Variants in PDE8A observed in about 807,000 individuals in gnomAD.
PDE8A encodes phosphodiesterase 8A.
In PDE8A, 59 loss-of-function variants were observed where a neutral mutation model predicts 105.0. The ratio of observed to expected loss-of-function variants is 0.56; its 90% CI spans 0.46 to 0.70. The LOEUF is 0.70. PDE8A is among the 30% of genes least tolerant of loss of function. The pLI, the probability that PDE8A is intolerant of heterozygous loss-of-function variation, is 0.00. For synonymous variants in PDE8A, 355 were observed against 371.9 expected, an observed-to-expected ratio of 0.95 and a Z score of 0.52; for missense variants, 1,014 against 1,045.9, an observed-to-expected ratio of 0.97 and a Z score of 0.42.
chr15:85,068,185 C>T (rs999373558), intron 3 of PDE8A, among the ~76,000 whole-genome samples: 3 of 151,954 alleles, frequency 2.0e-5, no homozygotes, highest in East Asian at 1.9e-4. Context: ...GGATTACAGG[C>T]GCACACCACC....
rs2079715917 is a variant in PDE8A at position 84,981,965 on chromosome 15, C to G, written c.-198C>G. ...CGCCACCCGCCTAAGCGCCCCCTTC[C>G]CACCGCAGCCGCCGCCGCCGCAGCG... On this transcript the variant is annotated 5_prime_UTR_variant, in exon 1 of 22. Transcript: ENST00000394553. 3.5e-6 allele frequency: 1 copy of G among 287,652 alleles called. No individual in the cohort carries two copies. The highest frequency in any genetic ancestry group is 9.8e-4 in the Middle Eastern group (1 of 1,018). The allele number at this position is 287,652 out of a possible 1,614,324, so 17.8% of individuals were successfully genotyped here. A position where few individuals can be genotyped will look rare whatever the true frequency, so the allele number is the denominator to read the frequency against.
At chr15:84,997,446 T>C (rs1567220544) in intron 1 of PDE8A, among the ~76,000 whole-genome samples, 1 of 152,170 alleles carries the variant, frequency 6.6e-6, no homozygotes, top group Non-Finnish European at 1.5e-5. Context: ...TCCACCCACT[T>C]TGGCCTCCCA....
At chr15:85,007,487 A>G (rs1169790951) in intron 1 of PDE8A, among the ~76,000 whole-genome samples, 7 of 151,326 alleles carry the variant, frequency 4.6e-5, no homozygotes, top group Admixed American at 4.0e-4. Context: ...GCAAAAATAA[A>G]TCTATTAGTA....
chr15:85,129,809 C>T (rs945191278), intron 20 of PDE8A, among the ~76,000 whole-genome samples: 1 of 152,146 alleles, frequency 6.6e-6, no homozygotes, highest in East Asian at 1.9e-4. Context: ...TAGGCATTTA[C>T]AGCTGTTAAT....
intron 1 of PDE8A, among the ~76,000 whole-genome samples, chr15:85,056,296 C>T (rs1214939083): frequency 1.3e-5 from 2 of 152,068 alleles, no homozygotes; most frequent in Admixed American, 1.3e-4. Flanking sequence ...CTTGGAGTTG[C>T]TCTTCTCGAG....
intron 20 of PDE8A, among the ~76,000 whole-genome samples, chr15:85,135,575 A>G (rs1300058213): frequency 2.2e-4 from 33 of 152,008 alleles, no homozygotes; most frequent in Admixed American, 2.2e-3. Context: ...CTTGACTCCC[A>G]GCACAGGCGC....
At chr15:85,135,759 T>G (rs1016016679) in intron 20 of PDE8A, among the ~76,000 whole-genome samples, 27 of 152,184 alleles carry the variant, frequency 1.8e-4, no homozygotes, top group African/African-American at 6.3e-4. Flanking sequence ...GACGCTTGCC[T>G]TTTTCCTCAG....
chr15:85,070,772 C>T (rs983164692), intron 3 of PDE8A, among the ~76,000 whole-genome samples: 19 of 152,092 alleles, frequency 1.2e-4, no homozygotes, highest in Non-Finnish European at 2.1e-4. Context: ...GACTCTACCC[C>T]GTAGGTAGTT....
chr15:85,042,943 A>G (rs1453167638), intron 1 of PDE8A, among the ~76,000 whole-genome samples: 1 of 152,168 alleles, frequency 6.6e-6, no homozygotes, highest in Non-Finnish European at 1.5e-5. Flanking sequence ...AGATAATTCG[A>G]TTGTGTGGAT....
intron 1 of PDE8A, among the ~76,000 whole-genome samples, chr15:84,998,824 G>A (rs1399372328): frequency 6.6e-6 from 1 of 152,186 alleles, no homozygotes; most frequent in East Asian, 1.9e-4. Context: ...GGATGAAGAA[G>A]TCAGGGTTAA....
At position 85,100,205 on chromosome 15, in the gene PDE8A, TG is replaced by T. The variant is rs781320675; in HGVS notation, c.1036+8del. On this transcript the variant is annotated splice_region_variant and intron_variant, in intron 11 of 21. Coordinates refer to ENST00000394553, the MANE Select transcript of PDE8A (RefSeq NM_002605.3). ...CAGTCTGACACTCATACAGGTACGG[TG>T]CCCCGTATTTATTCTTAGAGTTCAT... 10 of 1,608,332 alleles carry T rather than the reference TG, an allele frequency of 6.2e-6. No homozygotes were observed. In the African/African-American group the frequency reaches 9.4e-5, roughly 15 times the overall value.
chr15:85,114,935 G>A (rs2141604796), intron 14 of PDE8A, among the ~76,000 whole-genome samples: 2 of 152,228 alleles, frequency 1.3e-5, no homozygotes, highest in South Asian at 2.1e-4. Context: ...CAGGTGGTCT[G>A]GAAGCAGTGG....
At chr15:85,076,028 T>C in intron 4 of PDE8A, 110 bp downstream of exon 4, 1 of 585,514 alleles carries the variant, frequency 1.7e-6, no homozygotes, top group Non-Finnish European at 3.1e-6. Context: ...CCCTTTGTAG[T>C]GTGGCCTTCT....
intron 11 of PDE8A, 74 bp from the exon 12 acceptor site, chr15:85,108,979 T>A (rs964144742): frequency 1.3e-5 from 14 of 1,063,138 alleles, no homozygotes; most frequent in Non-Finnish European, 1.8e-5. Context: ...TTTAAAAAAA[T>A]TTTAGATTGG....
chr15:85,117,901 C>T (rs1327043704), intron 17 of PDE8A, 62 bp downstream of exon 17: 5 of 1,281,614 alleles, frequency 3.9e-6, no homozygotes, highest in Admixed American at 1.7e-5. Flanking sequence ...TCTAGTGCTT[C>T]TGCCTCCACT....
At chr15:84,988,597 A>T (rs1307906751) in intron 1 of PDE8A, among the ~76,000 whole-genome samples, 2 of 152,126 alleles carry the variant, frequency 1.3e-5, no homozygotes, top group African/African-American at 2.4e-5. Context: ...TGCCCTACCA[A>T]GAGTTCCCCA....
At chr15:85,012,087 T>C (rs2080248660) in intron 1 of PDE8A, among the ~76,000 whole-genome samples, 1 of 152,204 alleles carries the variant, frequency 6.6e-6, no homozygotes, top group Non-Finnish European at 1.5e-5. Context: ...GGAACACTTT[T>C]ACACTGTTGG....
intron 19 of PDE8A, among the ~76,000 whole-genome samples, chr15:85,124,944 T>C (rs1409674650): frequency 6.6e-6 from 1 of 152,220 alleles, no homozygotes; most frequent in African/African-American, 2.4e-5. Flanking sequence ...ATGGGGTTAC[T>C]TCTGAGAGAC....
At chr15:85,038,584 C>T (rs1474583140) in intron 1 of PDE8A, among the ~76,000 whole-genome samples, 3 of 152,082 alleles carry the variant, frequency 2.0e-5, no homozygotes, top group Non-Finnish European at 2.9e-5. Flanking sequence ...AAAAGATTTG[C>T]AAATCACACA....
Sources: gnomAD v4.1 joint callset for allele counts (sites outside exome capture counted in the v4.1 genomes callset) on GRCh38, gnomAD v4.1.1 for gene constraint, MANE v1.5 for transcripts, NCBI Gene and HGNC (gene_info 2026-07-23, HGNC 2026-07-21) for gene names.